Variants in PCDH15 observed in about 807,000 individuals in gnomAD.
PCDH15 encodes the protein protocadherin related 15, also known as protocadherin-15.
In PCDH15, 129 loss-of-function variants were observed where a neutral mutation model predicts 178.5. The ratio of observed to expected loss-of-function variants is 0.72; its 90% CI spans 0.63 to 0.84. The LOEUF (loss-of-function observed/expected upper bound fraction) is 0.84, where lower values mean the gene tolerates loss of function less well. PCDH15 is among the 40% of genes least tolerant of loss of function. PCDH15 has a pLI of 0.00. For missense variants in PCDH15, 2,230 were observed against 2,099.9 expected (o/e 1.06, Z -1.21); for synonymous variants, 800 against 732.0 (o/e 1.09, Z -1.50).
At chr10:55,222,147 T>C (rs1022091991) in intron 1 of PCDH15, among the ~76,000 whole-genome samples, 2 of 151,808 alleles carry the variant, frequency 1.3e-5, no homozygotes, top group Admixed American at 1.3e-4. Flanking sequence ...AGTGCTGGGA[T>C]TACAGGTGTG....
intron 9 of PCDH15, among the ~76,000 whole-genome samples, chr10:54,233,131 A>G: frequency 6.6e-6 from 1 of 151,364 alleles, no homozygotes; most frequent in African/African-American, 2.4e-5. Flanking sequence ...TTTTGTAGAG[A>G]CAGGGTTTCG....
chr10:54,518,100 G>C (rs1240084945), intron 3 of PCDH15, among the ~76,000 whole-genome samples: 1 of 152,098 alleles, frequency 6.6e-6, no homozygotes, highest in African/African-American at 2.4e-5. Flanking sequence ...ATGCCCAAAA[G>C]AGAAAGCAGG....
intron 2 of PCDH15, among the ~76,000 whole-genome samples, chr10:55,561,072 T>C (rs1162533114): frequency 1.3e-5 from 2 of 151,780 alleles, no homozygotes; most frequent in South Asian, 2.1e-4. Context: ...AAAGAGAATA[T>C]ATATTTTAAA....
intron 2 of PCDH15, among the ~76,000 whole-genome samples, chr10:55,372,804 T>C (rs1297968473): frequency 6.6e-6 from 1 of 152,116 alleles, no homozygotes; most frequent in Non-Finnish European, 1.5e-5. Flanking sequence ...TCCCAAGACT[T>C]TGAGAGTACT....
At chr10:54,568,587 T>C (rs992501577) in intron 2 of PCDH15, 6 of 152,252 alleles carry the variant, frequency 3.9e-5, no homozygotes, top group African/African-American at 1.4e-4. Flanking sequence ...GCTACACCAG[T>C]GAAACCTGCT....
chr10:53,938,878 C>T lies in PCDH15; in HGVS notation c.3310G>A (p.Val1104Ile). Residue 1104 changes from valine (V) to isoleucine (I), a missense_variant, in exon 25 of 38, where the codon GTA (valine) becomes ATA (isoleucine). Physicochemically the swap from Val to Ile is conservative, Grantham distance 29. Coordinates refer to ENST00000644397, the MANE Select transcript of PCDH15 (RefSeq NM_001384140.1). The stretch of plus-strand genomic sequence containing the variant: ...AGGGAATCAGCTTGGACTCGAAGTA[C>T]ATAGCTTGTCCTGGTCTCATAATCC... ...PLDYETRTSYVLRVQADSLEV... is the reference protein window; with the variant it reads ...PLDYETRTSYILRVQADSLEV... The T allele has an allele frequency of 6.2e-7, 1 of 1,613,636 alleles. No homozygotes were observed. The highest frequency in any genetic ancestry group is 8.5e-7 in the Non-Finnish European group (1 of 1,179,654).
At position 55,175,766 on chromosome 10, in the gene PCDH15, C is replaced by T. The variant is rs145769892; in HGVS notation, c.-155-9115G>A. Among the ~76,000 whole-genome samples, 754 of 151,502 alleles carry T rather than the reference C, an allele frequency of 5.0e-3. 3 individuals carry two copies. The highest frequency in any genetic ancestry group is 0.017 in the African/African-American group (702 of 41,294). On this transcript the variant is annotated intron_variant, in intron 1 of 5. Transcript: ENST00000458638. ...GCCACCTCAGTCTTTTATAATAGGG[C>T]TCAGGAGGACACTCAAGAAAGAGGA...
intron 1 of PCDH15, among the ~76,000 whole-genome samples, chr10:55,319,426 A>T (rs1226824960): frequency 6.6e-6 from 1 of 152,178 alleles, no homozygotes; most frequent in Non-Finnish European, 1.5e-5. Context: ...TTTTAAAAAT[A>T]GATAGGGCTA....
intron 23 of PCDH15, among the ~76,000 whole-genome samples, chr10:53,950,278 T>C: frequency 6.6e-6 from 1 of 152,034 alleles, no homozygotes; most frequent in East Asian, 1.9e-4. Flanking sequence ...AACTTAGGGA[T>C]ATTTGCCCTT....
At chr10:55,320,856 T>C (rs531730100), upstream of PCDH15, among the ~76,000 whole-genome samples, 12 of 152,332 alleles carry the variant, frequency 7.9e-5, no homozygotes, top group East Asian at 2.3e-3. Flanking sequence ...ATAACTCTAG[T>C]AACTCAAAAA....
intron 2 of PCDH15, among the ~76,000 whole-genome samples, chr10:54,942,944 G>C (rs1195614334): frequency 1.3e-5 from 2 of 151,932 alleles, no homozygotes; most frequent in African/African-American, 4.8e-5. Flanking sequence ...TTATTTGTCA[G>C]AATGAGTTAA....
At chr10:55,271,436 A>G (rs1431342881) in intron 1 of PCDH15, among the ~76,000 whole-genome samples, 1 of 152,084 alleles carries the variant, frequency 6.6e-6, no homozygotes, top group East Asian at 1.9e-4. Flanking sequence ...CTAATCAGAT[A>G]TGTTCTTAAA....
chr10:55,416,850 T>G (rs1463425876), intron 2 of PCDH15, among the ~76,000 whole-genome samples: 3 of 151,756 alleles, frequency 2.0e-5, no homozygotes, highest in Non-Finnish European at 4.4e-5. Context: ...ACAAACAAAA[T>G]TCCTATATTT....
intron 2 of PCDH15, among the ~76,000 whole-genome samples, chr10:55,022,452 CAAA>C (rs373971818): frequency 3.0e-5 from 3 of 99,408 alleles, no homozygotes; most frequent in African/African-American, 8.5e-5. Context: ...ACTCTGTCTC[CAAA>C]AAAAAAAAAA....
intron 3 of PCDH15, among the ~76,000 whole-genome samples, chr10:54,504,402 A>G (rs1589757922): frequency 6.6e-6 from 1 of 152,004 alleles, no homozygotes; most frequent in East Asian, 1.9e-4. Flanking sequence ...CAAGCTTTCC[A>G]TTATTCCTCC....
chr10:54,349,747 C>T (rs1247825846), intron 5 of PCDH15, among the ~76,000 whole-genome samples: 1 of 152,068 alleles, frequency 6.6e-6, no homozygotes, highest in Non-Finnish European at 1.5e-5. Flanking sequence ...AAAAAATATA[C>T]TTGCTGATGA....
At chr10:54,686,041 A>ATTTTTT (rs66539612) in intron 1 of PCDH15, among the ~76,000 whole-genome samples, 48,909 of 124,738 alleles carry the variant, frequency 0.39, 9,705 homozygotes, top group Non-Finnish European at 0.5. Context: ...AAGACAGCCA[A>ATTTTTT]TTTTTTTTTT....
At chr10:54,472,063 G>A (rs1264966514) in intron 3 of PCDH15, among the ~76,000 whole-genome samples, 1 of 151,988 alleles carries the variant, frequency 6.6e-6, no homozygotes, top group Non-Finnish European at 1.5e-5. Flanking sequence ...AAAGGAAAGT[G>A]GGCAACTTAG....
intron 1 of PCDH15, among the ~76,000 whole-genome samples, chr10:54,761,279 G>A (rs1238914641): frequency 6.6e-6 from 1 of 152,052 alleles, no homozygotes; most frequent in Non-Finnish European, 1.5e-5. Flanking sequence ...TGTAGTTTGG[G>A]TCATGTTTAT....
Sources: gnomAD v4.1 joint callset for allele counts (sites outside exome capture counted in the v4.1 genomes callset) on GRCh38, gnomAD v4.1.1 for gene constraint, MANE v1.5 for transcripts, NCBI Gene and HGNC (gene_info 2026-07-23, HGNC 2026-07-21) for gene names.